Variants in SLC7A1 observed in about 807,000 individuals in gnomAD.
SLC7A1 encodes high affinity cationic amino acid transporter 1.
A neutral mutation model predicts 53.9 loss-of-function variants in SLC7A1; 10 were observed. The ratio of observed to expected loss-of-function variants is 0.19; its 90% confidence interval spans 0.11 to 0.31. The LOEUF (loss-of-function observed/expected upper bound fraction) is 0.31, where lower values mean the gene tolerates loss of function less well. Among genes scored for constraint, SLC7A1 ranks in the 10% least tolerant of loss-of-function variants. SLC7A1 has a pLI of 1.00. For missense variants in SLC7A1, 525 were observed against 827.2 expected, an observed-to-expected ratio of 0.63 and a Z score of 4.48; for synonymous variants, 342 against 338.7, an observed-to-expected ratio of 1.01 and a Z score of -0.11.
At chr13:29,518,383 T>G (rs116946696) in intron 9 of SLC7A1, among the ~76,000 whole-genome samples, 128 of 152,354 alleles carry the variant, frequency 8.4e-4, no homozygotes, top group Middle Eastern at 3.4e-3. Context: ...GAGCATCCAT[T>G]CTGAATGAGG....
intron 2 of SLC7A1, among the ~76,000 whole-genome samples, chr13:29,552,810 C>T (rs1442380853): frequency 1.3e-5 from 2 of 151,924 alleles, no homozygotes; most frequent in Non-Finnish European, 2.9e-5. Flanking sequence ...CTCTGAAGGC[C>T]GTCAGCCCCA....
At chr13:29,528,713 C>T (rs1869011941) in intron 5 of SLC7A1, among the ~76,000 whole-genome samples, 1 of 152,244 alleles carries the variant, frequency 6.6e-6, no homozygotes, top group Non-Finnish European at 1.5e-5. Flanking sequence ...CACCTCCTAA[C>T]ATGGCCGATC....
intron 12 of SLC7A1, 57 bp from the exon 13 acceptor site, chr13:29,514,640 C>T: frequency 1.5e-6 from 2 of 1,365,100 alleles, no homozygotes; most frequent in South Asian, 2.5e-5. Context: ...CCACCGCAGG[C>T]AGGGCTCAGA....
At chr13:29,587,483 C>T (rs1871931954) in intron 1 of SLC7A1, among the ~76,000 whole-genome samples, 1 of 152,166 alleles carries the variant, frequency 6.6e-6, no homozygotes, top group Admixed American at 6.5e-5. Flanking sequence ...CTGGTAGGGG[C>T]CAAGAGGCTC....
At chr13:29,532,316 C>G (rs116653819) in intron 4 of SLC7A1, among the ~76,000 whole-genome samples, 145 of 152,318 alleles carry the variant, frequency 9.5e-4, no homozygotes, top group African/African-American at 3.4e-3. Flanking sequence ...AACCACAACT[C>G]TGTCATGAAA....
rs372480429 is a variant in SLC7A1, at chr13:29,517,133, G to A, written c.1677+11C>T. 4.0e-5 allele frequency: 63 copies of A among 1,586,878 alleles called. No homozygotes were observed. In the Middle Eastern group the frequency reaches 5.1e-4, roughly 13 times the overall value. ...TGTACCAGGGTTCCTTCCCTAGGCC[G>A]AGCTGCTCACCTTAAATGAGAGCTT... On this transcript the variant is annotated intron_variant, in intron 11 of 12. Transcript: ENST00000380752.
chr13:29,532,035 T>C (rs138274201), intron 4 of SLC7A1, among the ~76,000 whole-genome samples: 1 of 152,202 alleles, frequency 6.6e-6, no homozygotes, highest in African/African-American at 2.4e-5. Context: ...TTCTGATGCA[T>C]GTTTCTGCCA....
intron 2 of SLC7A1, among the ~76,000 whole-genome samples, chr13:29,541,127 T>C (rs1054253244): frequency 1.1e-4 from 16 of 152,118 alleles, no homozygotes; most frequent in African/African-American, 3.9e-4. Context: ...GCAAAACCTG[T>C]GTGGAAGGAA....
chr13:29,578,256 A>G (rs1871489779), intron 1 of SLC7A1, among the ~76,000 whole-genome samples: 1 of 152,146 alleles, frequency 6.6e-6, no homozygotes, highest in Non-Finnish European at 1.5e-5. Flanking sequence ...GCAGATATTT[A>G]AGACATCTGA....
At chr13:29,560,130 T>C (rs1199989285) in intron 1 of SLC7A1, among the ~76,000 whole-genome samples, 4 of 151,298 alleles carry the variant, frequency 2.6e-5, no homozygotes, top group African/African-American at 9.8e-5. Flanking sequence ...CTATTTTGAA[T>C]TTTTTTGTTT....
At chr13:29,539,400 T>A (rs919758458) in intron 2 of SLC7A1, among the ~76,000 whole-genome samples, 15 of 152,134 alleles carry the variant, frequency 9.9e-5, no homozygotes, top group Admixed American at 3.3e-4. Context: ...CACATGCACG[T>A]ATGTCACCAC....
chr13:29,581,007 G>A (rs752226608), intron 1 of SLC7A1, among the ~76,000 whole-genome samples: 5 of 152,108 alleles, frequency 3.3e-5, no homozygotes, highest in Non-Finnish European at 5.9e-5. Context: ...TTACAGAAGT[G>A]ATCTCAAGTT....
intron 2 of SLC7A1, among the ~76,000 whole-genome samples, chr13:29,541,201 T>C (rs1869651235): frequency 6.6e-6 from 1 of 152,138 alleles, no homozygotes; most frequent in Non-Finnish European, 1.5e-5. Context: ...AGAACTTACA[T>C]TTTGAAAAAC....
Position 29,510,155 on chromosome 13 carries a change from C to G in SLC7A1, c.*4325G>C, listed in dbSNP as rs1219787143. 6.6e-6 allele frequency: 1 copy of G among 152,560 alleles called. No individual in the cohort carries two copies. The highest frequency in any genetic ancestry group is 2.4e-5 in the African/African-American group (1 of 41,430). 9.5% of individuals were successfully genotyped at this position (152,560 alleles called of 1,614,324 possible). A position where few individuals can be genotyped will look rare whatever the true frequency, so the allele number is the denominator to read the frequency against. On this transcript the variant is annotated 3_prime_UTR_variant, in exon 13 of 13. Coordinates refer to ENST00000380752, the MANE Select transcript of SLC7A1 (RefSeq NM_003045.5). ...TCCTGTGGGGTTTTCAGCTGGCACT[C>G]AGCACATTTGTAGAATGACCCAGGA...
chr13:29,579,366 T>G (rs982925976), intron 1 of SLC7A1, among the ~76,000 whole-genome samples: 2 of 150,854 alleles, frequency 1.3e-5, no homozygotes. Context: ...ACTAGCAATT[T>G]TTTTTTTTTT....
chr13:29,538,473 G>C (rs1023005103), intron 2 of SLC7A1, among the ~76,000 whole-genome samples: 1 of 152,164 alleles, frequency 6.6e-6, no homozygotes, highest in Non-Finnish European at 1.5e-5. Flanking sequence ...TCTCATGCCA[G>C]AGCAGTTCTG....
intron 2 of SLC7A1, among the ~76,000 whole-genome samples, chr13:29,546,971 G>C (rs1336200001): frequency 1.3e-5 from 2 of 152,186 alleles, no homozygotes; most frequent in African/African-American, 4.8e-5. Flanking sequence ...GCGGAGTGTA[G>C]CTGGCAGATT....
At chr13:29,533,251 T>C (rs3783256) in intron 3 of SLC7A1, among the ~76,000 whole-genome samples, 75,257 of 148,722 alleles carry the variant, frequency 0.51, 20,846 homozygotes, top group Non-Finnish European at 0.65. Context: ...TATATCCGAA[T>C]AAAAAGTTCG....
At chr13:29,584,648 CAG>C (rs1871800300) in intron 1 of SLC7A1, among the ~76,000 whole-genome samples, 1 of 152,036 alleles carries the variant, frequency 6.6e-6, no homozygotes, top group South Asian at 2.1e-4. Context: ...CTTTGTTAGG[CAG>C]AGTCAATTCC....
Sources: gnomAD v4.1 joint callset for allele counts (sites outside exome capture counted in the v4.1 genomes callset) on GRCh38, gnomAD v4.1.1 for gene constraint, MANE v1.5 for transcripts, NCBI Gene and HGNC (gene_info 2026-07-23, HGNC 2026-07-21) for gene names.